SPATS2: variants seen among roughly 807,000 people sequenced by gnomAD.
SPATS2 encodes spermatogenesis associated serine rich 2.
Under a neutral mutation model 63.7 loss-of-function variants are expected in SPATS2, and 38 were observed. That is an observed-to-expected ratio of 0.60 (90% CI 0.46 to 0.78). The LOEUF is 0.78. SPATS2 is among the 30% of genes least tolerant of loss of function. The probability of loss-of-function intolerance (pLI) is 0.00; values close to 1 mark genes in which losing one functional copy is unlikely to be tolerated. For synonymous variants in SPATS2, 207 were observed against 232.9 expected, an observed-to-expected ratio of 0.89 and a Z score of 1.01; for missense variants, 588 against 666.2, an observed-to-expected ratio of 0.88 and a Z score of 1.29.
At chr12:49,453,757 G>C (rs537332290) in intron 2 of SPATS2, among the ~76,000 whole-genome samples, 2 of 151,842 alleles carry the variant, frequency 1.3e-5, no homozygotes, top group East Asian at 3.9e-4. Flanking sequence ...AGGTTGCAGT[G>C]AGCTATGATC....
intron 2 of SPATS2, among the ~76,000 whole-genome samples, chr12:49,429,255 C>CT (rs968869025): frequency 2.0e-4 from 31 of 151,704 alleles, no homozygotes; most frequent in Admixed American, 2.6e-4. Context: ...TTTGAGGTTT[C>CT]TTTTTTTTAT....
At chr12:49,491,452 T>A (rs1456578239) in intron 6 of SPATS2, among the ~76,000 whole-genome samples, 1 of 152,028 alleles carries the variant, frequency 6.6e-6, no homozygotes, top group Non-Finnish European at 1.5e-5. Flanking sequence ...CGGTGACTCA[T>A]GCCTGTAATC....
chr12:49,401,349 G>T (rs564110399), intron 2 of SPATS2, among the ~76,000 whole-genome samples: 1 of 152,114 alleles, frequency 6.6e-6, no homozygotes, highest in African/African-American at 2.4e-5. Flanking sequence ...GCTGCATGGT[G>T]CAGGCATAGA....
chr12:49,521,795 CAA>C (rs1253085515), intron 11 of SPATS2, among the ~76,000 whole-genome samples: 1 of 152,152 alleles, frequency 6.6e-6, no homozygotes, highest in African/African-American at 2.4e-5. Flanking sequence ...GGCTTTGTAA[CAA>C]GAGGTTCGTG....
rs2137730100 is a variant in SPATS2 at position 49,468,196 on chromosome 12, TG to T, written c.25+7160del. On this transcript the variant is annotated intron_variant, in intron 3 of 13. Transcript: ENST00000552918. ...TTTTTTTTGAAATGGAGTCTTGCTT[TG>T]TTGCCAGGCTGGAGTGCAGTGGCAC... 4.0e-5 allele frequency among the ~76,000 whole-genome samples: 6 copies of T among 151,236 alleles called. 1 individual carries two copies. The highest frequency in any genetic ancestry group is 1.5e-4 in the African/African-American group (6 of 41,252).
chr12:49,426,996 TG>T (rs1265455948), intron 2 of SPATS2, among the ~76,000 whole-genome samples: 1 of 152,236 alleles, frequency 6.6e-6, no homozygotes, highest in Non-Finnish European at 1.5e-5. Context: ...GCATTTGTGT[TG>T]GGTATTACTT....
intron 2 of SPATS2, among the ~76,000 whole-genome samples, chr12:49,433,531 C>G (rs559244453): frequency 6.6e-6 from 1 of 152,194 alleles, no homozygotes. Flanking sequence ...TTGCATTTCT[C>G]TAATAATGAG....
intron 4 of SPATS2, chr12:49,486,316 C>T (rs1946292580): frequency 2.4e-6 from 1 of 418,804 alleles, no homozygotes; most frequent in African/African-American, 2.1e-5. Context: ...AGTGATTCTC[C>T]TGCCTCAACC....
At chr12:49,386,302 TA>T (rs1944317662) in intron 2 of SPATS2, among the ~76,000 whole-genome samples, 1 of 151,952 alleles carries the variant, frequency 6.6e-6, no homozygotes, top group Non-Finnish European at 1.5e-5. Flanking sequence ...TAGCTGGGAT[TA>T]CAGGCGTGCG....
At chr12:49,453,475 T>C (rs1259909768) in intron 2 of SPATS2, among the ~76,000 whole-genome samples, 2 of 152,200 alleles carry the variant, frequency 1.3e-5, no homozygotes, top group Non-Finnish European at 2.9e-5. Context: ...TGGTTGCTGA[T>C]GTCTCTGCTC....
chr12:49,522,299 T>G (rs528004695), intron 11 of SPATS2, among the ~76,000 whole-genome samples: 183 of 152,338 alleles, frequency 1.2e-3, no homozygotes, highest in African/African-American at 4.1e-3. Context: ...AAATCCTACT[T>G]TATTATAAAG....
chr12:49,491,234 CA>C (rs1946377408), intron 6 of SPATS2: 1 of 152,064 alleles, frequency 6.6e-6, no homozygotes, highest in African/African-American at 2.4e-5. Context: ...AGGCAGGAAA[CA>C]GAATGACTTT....
intron 2 of SPATS2, among the ~76,000 whole-genome samples, chr12:49,400,964 C>T (rs1944594947): frequency 6.6e-6 from 1 of 152,112 alleles, no homozygotes; most frequent in East Asian, 1.9e-4. Context: ...CTTCAACCTC[C>T]CAGGCTCAAG....
At chr12:49,441,482 A>G (rs565180931) in intron 2 of SPATS2, among the ~76,000 whole-genome samples, 1 of 152,294 alleles carries the variant, frequency 6.6e-6, no homozygotes, top group Admixed American at 6.5e-5. Context: ...TCTTTTAGAA[A>G]GAGAAGTAGA....
intron 2 of SPATS2, among the ~76,000 whole-genome samples, chr12:49,376,773 A>C (rs1395876926): frequency 7.9e-6 from 1 of 127,026 alleles, no homozygotes; most frequent in Non-Finnish European, 1.5e-5. Context: ...GCTGGAGTGC[A>C]GTGGTGCGAT....
At chr12:49,376,320 C>T (rs969878414) in intron 2 of SPATS2, among the ~76,000 whole-genome samples, 1 of 151,790 alleles carries the variant, frequency 6.6e-6, no homozygotes, top group Non-Finnish European at 1.5e-5. Flanking sequence ...CCAGGCTGGT[C>T]TTGAACTCCT....
At chr12:49,370,500 A>G (rs1355028067) in intron 1 of SPATS2, among the ~76,000 whole-genome samples, 1 of 152,208 alleles carries the variant, frequency 6.6e-6, no homozygotes, top group Non-Finnish European at 1.5e-5. Context: ...TGCTTAGTGT[A>G]TATCTGCAGC....
intron 3 of SPATS2, among the ~76,000 whole-genome samples, chr12:49,461,797 C>A (rs917683041): frequency 1.3e-5 from 2 of 151,990 alleles, no homozygotes; most frequent in African/African-American, 4.8e-5. Context: ...ATTCAAAAAC[C>A]TTATAAGAAA....
At chr12:49,415,733 G>A (rs2137387867) in intron 2 of SPATS2, among the ~76,000 whole-genome samples, 1 of 152,262 alleles carries the variant, frequency 6.6e-6, no homozygotes, top group Non-Finnish European at 1.5e-5. Context: ...TAAAGGGCCA[G>A]ATAGTAAATA....
Sources: allele counts gnomAD v4.1 joint callset (sites outside exome capture counted in the v4.1 genomes callset), GRCh38; gene constraint gnomAD v4.1.1; transcripts MANE v1.5; gene names NCBI Gene and HGNC (gene_info 2026-07-23, HGNC 2026-07-21).